The following RGS6 variants were observed in gnomAD, a reference collection of about 807,000 sequenced individuals.
RGS6 encodes regulator of G protein signaling 6, also known as regulator of G-protein signaling 6.
A neutral mutation model predicts 78.5 loss-of-function variants in RGS6; 30 were observed. That is an observed-to-expected ratio of 0.38 (90% CI 0.29 to 0.52). The LOEUF (loss-of-function observed/expected upper bound fraction) is 0.52, where lower values mean the gene tolerates loss of function less well. Ranked by LOEUF, RGS6 falls within the 20% of genes least tolerant of loss-of-function variation. The pLI is 0.85. For synonymous variants in RGS6, 206 were observed against 206.0 expected, an observed-to-expected ratio of 1.00 and a Z score of 0.00; for missense variants, 495 against 609.7, an observed-to-expected ratio of 0.81 and a Z score of 1.98.
the RGS6 span, among the ~76,000 whole-genome samples, chr14:72,573,064 TCCTG>T: frequency 6.6e-6 from 1 of 152,186 alleles, no homozygotes; most frequent in Admixed American, 6.5e-5. Context: ...GGACTTTGAA[TCCTG>T]CCTAGTGCCA....
In RGS6 at chr14:72,518,388, C is replaced by A. The variant is rs572389164; in HGVS notation, c.1129C>A (p.Leu377Ile). 6.2e-7 allele frequency: 1 copy of A among 1,614,176 alleles called. No homozygotes were observed. Among genetic ancestry groups the A allele is most frequent in the South Asian group, 1.1e-5 (1 of 91,080 alleles). ...TGTCCAAGATCTTAAGAAACAACCC[C>A]TACAGGATGTGGCCAAGAGGGTAGA... ...LAVQDLKKQPLQDVAKRVEEI... is the reference protein window; with the variant it reads ...LAVQDLKKQPIQDVAKRVEEI... Residue 377 changes from leucine to isoleucine, a missense_variant, in exon 15 of 18, where the codon CTA becomes ATA. Leu to Ile is a conservative substitution (Grantham distance 5, BLOSUM62 2). Coordinates refer to ENST00000553525, the MANE Select transcript of RGS6 (RefSeq NM_001204424.2).
chr14:72,359,864 G>A (rs2081115885), intron 3 of RGS6, among the ~76,000 whole-genome samples: 1 of 151,940 alleles, frequency 6.6e-6, no homozygotes, highest in Non-Finnish European at 1.5e-5. Context: ...TGCTGACCTT[G>A]GTAAGTGCAC....
intron 3 of RGS6, among the ~76,000 whole-genome samples, chr14:72,394,938 T>A (rs1805618186): frequency 6.6e-6 from 1 of 152,230 alleles, no homozygotes. Flanking sequence ...TTTGGGGAAC[T>A]AATTAGCGTC....
chr14:72,417,717 A>G (rs753969210), intron 3 of RGS6, among the ~76,000 whole-genome samples: 19 of 152,236 alleles, frequency 1.2e-4, no homozygotes, highest in Admixed American at 1.2e-3. Flanking sequence ...ATAGCAGTAC[A>G]TACCTCACGG....
intron 2 of RGS6, among the ~76,000 whole-genome samples, chr14:72,041,439 T>C (rs779428197): frequency 3.3e-5 from 5 of 152,222 alleles, no homozygotes; most frequent in Non-Finnish European, 5.9e-5. Context: ...TCAAGTTCTT[T>C]TGTTCTCTGC....
chr14:72,205,553 C>T (rs1330465199), intron 2 of RGS6, among the ~76,000 whole-genome samples: 1 of 152,198 alleles, frequency 6.6e-6, no homozygotes, highest in African/African-American at 2.4e-5. Flanking sequence ...ATCATATATT[C>T]CAGCCATATC....
At chr14:71,907,168 G>A in the RGS6 span, among the ~76,000 whole-genome samples, 1 of 152,182 alleles carries the variant, frequency 6.6e-6, no homozygotes, top group African/African-American at 2.4e-5. Context: ...TGAGGCTACG[G>A]TCCAGAGGGG....
chr14:72,475,044 G>A (rs2096201351), intron 10 of RGS6, among the ~76,000 whole-genome samples: 3 of 152,106 alleles, frequency 2.0e-5, no homozygotes, highest in Admixed American at 2.0e-4. Context: ...GCTTCCCAAG[G>A]GCTTCCTGAA....
the RGS6 span, among the ~76,000 whole-genome samples, chr14:72,575,682 C>G: frequency 1.3e-5 from 2 of 152,130 alleles, no homozygotes; most frequent in African/African-American, 4.8e-5. Context: ...ATACTCCCAC[C>G]ACAAAGAAAT....
At chr14:72,218,460 A>C (rs773900719) in intron 2 of RGS6, among the ~76,000 whole-genome samples, 6 of 151,990 alleles carry the variant, frequency 3.9e-5, no homozygotes, top group Non-Finnish European at 7.4e-5. Context: ...GTATCAGTAT[A>C]TTAATATTAA....
chr14:72,028,644 T>C (rs2090329024), intron 2 of RGS6, among the ~76,000 whole-genome samples: 1 of 152,242 alleles, frequency 6.6e-6, no homozygotes. Flanking sequence ...TGTCAGCACA[T>C]GGAGACCTTA....
intron 14 of RGS6, among the ~76,000 whole-genome samples, chr14:72,516,601 A>G (rs1462386024): frequency 6.6e-6 from 1 of 152,206 alleles, no homozygotes; most frequent in Non-Finnish European, 1.5e-5. Context: ...TGCGGAGAGA[A>G]GGCTGGAATC....
chr14:72,310,956 A>G (rs1329472131), intron 2 of RGS6, among the ~76,000 whole-genome samples: 2 of 152,228 alleles, frequency 1.3e-5, no homozygotes, highest in African/African-American at 4.8e-5. Context: ...TGAAATTAAA[A>G]CAGGTATTCA....
chr14:72,549,139 C>A (rs2097457805), intron 17 of RGS6, among the ~76,000 whole-genome samples: 1 of 152,178 alleles, frequency 6.6e-6, no homozygotes, highest in South Asian at 2.1e-4. Context: ...TAGACTCCGC[C>A]TTGAGGGAGA....
intron 3 of RGS6, among the ~76,000 whole-genome samples, chr14:72,369,202 A>C (rs2082980874): frequency 6.6e-6 from 1 of 152,246 alleles, no homozygotes; most frequent in African/African-American, 2.4e-5. Flanking sequence ...AAATACAATG[A>C]CATGTATCCT....
chr14:72,347,393 A>G (rs971705522), intron 2 of RGS6, among the ~76,000 whole-genome samples: 1 of 152,210 alleles, frequency 6.6e-6, no homozygotes, highest in Non-Finnish European at 1.5e-5. Flanking sequence ...GAAATAAATC[A>G]TGAGATGGTT....
chr14:72,161,756 A>C (rs2096856531), intron 2 of RGS6, among the ~76,000 whole-genome samples: 1 of 152,258 alleles, frequency 6.6e-6, no homozygotes. Flanking sequence ...AATTCTGTTT[A>C]CAGCCAGGCT....
intron 3 of RGS6, among the ~76,000 whole-genome samples, chr14:72,427,472 T>G (rs144952316): frequency 6.6e-6 from 1 of 152,332 alleles, no homozygotes; most frequent in East Asian, 1.9e-4. Flanking sequence ...CTAACTGATG[T>G]TGCATTGAGC....
intron 8 of RGS6, among the ~76,000 whole-genome samples, chr14:72,471,487 C>A (rs1367461581): frequency 6.6e-6 from 1 of 152,206 alleles, no homozygotes; most frequent in Non-Finnish European, 1.5e-5. Context: ...CTGGGTACCA[C>A]CTGCATGTGA....
Sources: allele counts gnomAD v4.1 joint callset (sites outside exome capture counted in the v4.1 genomes callset), GRCh38; gene constraint gnomAD v4.1.1; transcripts MANE v1.5; gene names NCBI Gene and HGNC (gene_info 2026-07-23, HGNC 2026-07-21).